The following SCD5 variants were observed in gnomAD, a reference collection of about 807,000 sequenced individuals.
SCD5 encodes acyl-CoA-desaturase 4.
In SCD5, 20 loss-of-function variants were observed where a neutral mutation model predicts 30.4. The observed-to-expected ratio is 0.66, with a 90% CI of 0.46 to 0.96. SCD5 has a LOEUF of 0.96. Ranked by LOEUF, SCD5 falls within the 40% of genes least tolerant of loss-of-function variation. SCD5 has a pLI of 0.00. For missense variants in SCD5, 381 were observed against 443.3 expected (o/e 0.86, Z 1.26); for synonymous variants, 173 against 176.4 (o/e 0.98, Z 0.16).
At chr4:82,727,488 G>A (rs1455816813) in intron 1 of SCD5, among the ~76,000 whole-genome samples, 4 of 152,106 alleles carry the variant, frequency 2.6e-5, no homozygotes, top group Non-Finnish European at 4.4e-5. Flanking sequence ...CCCAGCCTCC[G>A]TGAAGATTCT....
At chr4:82,685,400 G>GA (rs996353639) in intron 2 of SCD5, among the ~76,000 whole-genome samples, 20 of 152,232 alleles carry the variant, frequency 1.3e-4, no homozygotes, top group Non-Finnish European at 2.4e-4. Context: ...TTGGGCTACA[G>GA]AAAAAATTAA....
At chr4:82,661,476 T>A (rs1178173971) in intron 3 of SCD5, among the ~76,000 whole-genome samples, 3 of 152,278 alleles carry the variant, frequency 2.0e-5, no homozygotes, top group Non-Finnish European at 4.4e-5. Flanking sequence ...ATTTCACAAA[T>A]ATGTATGAAT....
chr4:82,753,557 G>A (rs1313902879), intron 1 of SCD5: 1 of 407,932 alleles, frequency 2.5e-6, no homozygotes, highest in Non-Finnish European at 5.1e-6. Flanking sequence ...AGGGTTTCAG[G>A]TTAGAATGTT....
At chr4:82,780,365 C>A (rs945446298) in intron 1 of SCD5, among the ~76,000 whole-genome samples, 9 of 152,316 alleles carry the variant, frequency 5.9e-5, no homozygotes, top group Middle Eastern at 3.4e-3. Flanking sequence ...TGGCCTAGGT[C>A]CATCTCCCCT....
intron 2 of SCD5, among the ~76,000 whole-genome samples, chr4:82,690,251 A>G (rs911686916): frequency 6.6e-6 from 1 of 152,222 alleles, no homozygotes; most frequent in Non-Finnish European, 1.5e-5. Context: ...ATTCATAAAA[A>G]AAGAACACGT....
At chr4:82,795,974 G>A (rs1190581971) in intron 1 of SCD5, among the ~76,000 whole-genome samples, 1 of 150,382 alleles carries the variant, frequency 6.6e-6, no homozygotes. Context: ...GGTGGGGAGA[G>A]AATTAAGACT....
rs946298738 is a variant in SCD5 at position 82,721,213 on chromosome 4, C to T, written c.233-15800G>A. The stretch of plus-strand genomic sequence containing the variant: ...ACAAACAAAAAACCTCAAAGGACTG[C>T]CCCGTTTCGCAGCTCCCTGTAGCAT... On this transcript the variant is annotated intron_variant, in intron 1 of 4. Transcript: ENST00000319540. 2.6e-5 allele frequency among the ~76,000 whole-genome samples: 4 copies of T among 152,066 alleles called. No homozygotes were observed. The East Asian group carries it at 7.7e-4, about 29-fold the overall frequency.
At chr4:82,679,745 G>C (rs1375659078) in intron 3 of SCD5, among the ~76,000 whole-genome samples, 1 of 152,136 alleles carries the variant, frequency 6.6e-6, no homozygotes, top group Non-Finnish European at 1.5e-5. Context: ...AAAAGGAGAG[G>C]CTTTGGGGGG....
intron 3 of SCD5, among the ~76,000 whole-genome samples, chr4:82,655,837 G>A (rs1365250480): frequency 6.6e-6 from 1 of 152,130 alleles, no homozygotes; most frequent in Non-Finnish European, 1.5e-5. Context: ...TGAAGGCCAG[G>A]AGTTTATAAG....
intron 1 of SCD5, among the ~76,000 whole-genome samples, chr4:82,751,824 A>G (rs1205871206): frequency 6.6e-6 from 1 of 152,090 alleles, no homozygotes; most frequent in East Asian, 1.9e-4. Context: ...ATGGGGTTTC[A>G]CCATGTTGGC....
chr4:82,663,112 T>A (rs1043844891), intron 3 of SCD5, among the ~76,000 whole-genome samples: 3 of 152,092 alleles, frequency 2.0e-5, no homozygotes, highest in Non-Finnish European at 4.4e-5. Flanking sequence ...AACCATAACT[T>A]TTCTTTAACT....
chr4:82,790,184 T>C (rs772542893), intron 1 of SCD5, among the ~76,000 whole-genome samples: 2 of 152,118 alleles, frequency 1.3e-5, no homozygotes, highest in Non-Finnish European at 2.9e-5. Context: ...CGACAAGTGC[T>C]GGTCTAGAAA....
chr4:82,765,249 T>C (rs990699601), intron 1 of SCD5, among the ~76,000 whole-genome samples: 2 of 152,206 alleles, frequency 1.3e-5, no homozygotes, highest in Non-Finnish European at 2.9e-5. Flanking sequence ...GGAAGATATT[T>C]TTGTTGGATA....
At chr4:82,679,260 G>GA (rs1560531700) in intron 3 of SCD5, among the ~76,000 whole-genome samples, 1,575 of 99,488 alleles carry the variant, frequency 0.016, 85 homozygotes, top group African/African-American at 0.039. Context: ...AAGAAAGAAA[G>GA]AAGGAAGGAA....
intron 2 of SCD5, among the ~76,000 whole-genome samples, chr4:82,699,064 C>T (rs1263567213): frequency 2.6e-5 from 4 of 152,000 alleles, no homozygotes; most frequent in Admixed American, 6.6e-5. Flanking sequence ...AGCAGGGGTC[C>T]GCAACCCCCG....
At chr4:82,787,019 C>T (rs1404396797) in intron 1 of SCD5, among the ~76,000 whole-genome samples, 2 of 152,188 alleles carry the variant, frequency 1.3e-5, no homozygotes, top group Non-Finnish European at 1.5e-5. Context: ...TTTTGTTTCA[C>T]ACAGTTAGCT....
At chr4:82,768,052 T>C (rs994299562) in intron 1 of SCD5, among the ~76,000 whole-genome samples, 1 of 152,238 alleles carries the variant, frequency 6.6e-6, no homozygotes, top group Non-Finnish European at 1.5e-5. Flanking sequence ...TTTATTTAGC[T>C]AACTTAAATT....
At chr4:82,748,029 T>C (rs1721029649) in intron 1 of SCD5, among the ~76,000 whole-genome samples, 1 of 152,200 alleles carries the variant, frequency 6.6e-6, no homozygotes, top group African/African-American at 2.4e-5. Flanking sequence ...AATGAATTAC[T>C]TGGGGATTTA....
intron 3 of SCD5, among the ~76,000 whole-genome samples, chr4:82,679,746 C>T (rs562900791): frequency 6.6e-6 from 1 of 152,258 alleles, no homozygotes; most frequent in Admixed American, 6.5e-5. Flanking sequence ...AAAGGAGAGG[C>T]TTTGGGGGGA....
Sources: gnomAD v4.1 joint callset for allele counts (sites outside exome capture counted in the v4.1 genomes callset) on GRCh38, gnomAD v4.1.1 for gene constraint, MANE v1.5 for transcripts, NCBI Gene and HGNC (gene_info 2026-07-23, HGNC 2026-07-21) for gene names.